The following CSMD2 variants were observed in gnomAD, a reference collection of about 807,000 sequenced individuals.
The protein encoded by CSMD2 is CUB and sushi domain-containing protein 2.
Under a neutral mutation model 398.5 loss-of-function variants are expected in CSMD2, and 130 were observed. The observed-to-expected ratio is 0.33, with a 90% CI of 0.28 to 0.38. The LOEUF is 0.38. Ranked by LOEUF, CSMD2 falls within the 10% of genes least tolerant of loss-of-function variation. The pLI is 1.00. For synonymous variants in CSMD2, 1,828 were observed against 1,908.5 expected (o/e 0.96, Z 1.10); for missense variants, 3,829 against 4,764.9 (o/e 0.80, Z 5.78).
rs1278373359 is a variant in CSMD2, at chr1:33,635,906, C to T, written c.4969+454G>A. Among the ~76,000 whole-genome samples, 2 of 152,112 alleles carry T rather than the reference C, an allele frequency of 1.3e-5. No individual in the cohort carries two copies. The highest frequency in any genetic ancestry group is 1.3e-4 in the Admixed American group (2 of 15,280). On this transcript the variant is annotated intron_variant, in intron 30 of 70. Transcript: ENST00000373381. This position sits in a 1 kb window ranked among gnomAD's most constrained non-coding sequence, Gnocchi z 5.0. ...TGGGTGGTCACCAAGCTCTTAAAGC[C>T]CTGATACTCATTCCTATCTCTCTTG...
At chr1:33,583,883 G>C (rs1248769523) in intron 46 of CSMD2, 53 bp from the exon 47 acceptor site, 35 of 1,493,394 alleles carry the variant, frequency 2.3e-5, no homozygotes, top group Non-Finnish European at 3.1e-5. Context: ...ATGGAACTAC[G>C]GCCAATACAT....
chr1:33,707,694 C>CGT (rs1645845247), intron 22 of CSMD2, among the ~76,000 whole-genome samples: 1 of 33,448 alleles, frequency 3.0e-5, no homozygotes, highest in Non-Finnish European at 5.0e-5. Flanking sequence ...CGCGCGCGCG[C>CGT]GCACACACAC....
At chr1:33,582,308 C>G (rs1638780344) in intron 47 of CSMD2, among the ~76,000 whole-genome samples, 1 of 152,084 alleles carries the variant, frequency 6.6e-6, no homozygotes, top group African/African-American at 2.4e-5. Context: ...GAAGATGGCT[C>G]ATAGAGCATG....
At chr1:34,112,951 C>A (rs1661233461) in intron 1 of CSMD2, 1 of 152,270 alleles carries the variant, frequency 6.6e-6, no homozygotes, top group African/African-American at 2.4e-5. Context: ...AAAAAGAGAT[C>A]TACGGCCATA....
rs941383881 is a variant in CSMD2 at position 33,727,176 on chromosome 1, G to C, written c.2369-491C>G. Among the ~76,000 whole-genome samples the C allele has an allele frequency of 1.6e-4, 24 of 152,318 alleles. 1 individual carries two copies. The highest frequency in any genetic ancestry group is 1.0e-3 in the Admixed American group (16 of 15,294). On this transcript the variant is annotated intron_variant, in intron 15 of 70. Transcript: ENST00000373381. Reference sequence around the variant, plus strand: ...TGTGTTAATTGTGTTACACAACTGGGTATCCCCAGTATTGAGCATGGTGCT... The same window carrying C: ...TGTGTTAATTGTGTTACACAACTGGCTATCCCCAGTATTGAGCATGGTGCT...
At chr1:33,949,670 G>C (rs1161092197) in intron 3 of CSMD2, among the ~76,000 whole-genome samples, 1 of 152,204 alleles carries the variant, frequency 6.6e-6, no homozygotes, top group Admixed American at 6.5e-5. Flanking sequence ...ATTTGGAGAA[G>C]TTTCCTGGAA....
intron 3 of CSMD2, among the ~76,000 whole-genome samples, chr1:33,972,533 A>G (rs190712957): frequency 6.6e-6 from 1 of 152,254 alleles, no homozygotes; most frequent in East Asian, 1.9e-4. Context: ...AAGTGTCCTT[A>G]TAAGAGGGGG....
Position 33,714,620 on chromosome 1 carries a change from G to T in CSMD2, c.3373C>A (p.Arg1125Ser). 1 of 1,613,920 alleles carries T rather than the reference G, an allele frequency of 6.2e-7. No individual in the cohort carries two copies. Among genetic ancestry groups the T allele is most frequent in the East Asian group, 2.2e-5 (1 of 44,876 alleles). ...CTTGGCAGAGGCGAGCTCCACAGGC[G>T]CCGTCTGCCCCCCAGGCACGTGATG... ...ARITCLGGRR[R>S]LWSSPLPRCV... Residue 1125 changes from arginine (R) to serine (S), a missense_variant, in exon 21 of 71, where the codon CGC becomes AGC. Arg to Ser is a moderately radical substitution (Grantham distance 110). Around this residue, in one of 5 missense-constraint regions of CSMD2, gnomAD observed 2,001 missense variants for 2,567.1 expected, o/e 0.78. Transcript: ENST00000373381.
In CSMD2 at chr1:33,636,774, C is replaced by T. The variant is rs1642830870; in HGVS notation, c.4775-220G>A. Among the ~76,000 whole-genome samples, 1 of 152,142 alleles carries T rather than the reference C, an allele frequency of 6.6e-6. No homozygotes were observed. ...ACATTGAAGAGGGCAATTTCCCCTCCTCCCCCCATGTTCTTGCCTTGACCC... is the reference window on the plus strand; with the variant it reads ...ACATTGAAGAGGGCAATTTCCCCTCTTCCCCCCATGTTCTTGCCTTGACCC... On this transcript the variant is annotated intron_variant, in intron 29 of 70. Coordinates refer to ENST00000373381, the MANE Select transcript of CSMD2 (RefSeq NM_001281956.2). The surrounding 1 kb of genome is among the most constrained non-coding windows in gnomAD (Gnocchi z 4.8).
Position 33,523,396 on chromosome 1 carries a change from G to A in CSMD2, c.10420C>T (p.His3474Tyr), listed in dbSNP as rs201889409. The A allele has an allele frequency of 4.1e-5, 63 of 1,545,466 alleles. No homozygotes were observed. The highest frequency in any genetic ancestry group is 5.3e-5 in the Non-Finnish European group (60 of 1,122,726). The change falls in exon 67 of 71, where the codon CAT (histidine) becomes TAT (tyrosine). Residue 3474 changes from histidine to tyrosine, a missense_variant. Around this residue, in one of 5 missense-constraint regions of CSMD2, gnomAD observed 917 missense variants for 1,199.5 expected, o/e 0.76. Coordinates refer to ENST00000373381, the MANE Select transcript of CSMD2 (RefSeq NM_001281956.2). ...LAGTYKKEDF[H>Y]LLLQVYQITG... ...ATCTGGTACACCTGGAGTAGGAGAT[G>A]AAAATCTTCTTTCTTGTAAGTTCCT... is the stretch of plus-strand genomic sequence containing the variant.
intron 1 of CSMD2, among the ~76,000 whole-genome samples, chr1:34,123,604 CG>C (rs1039418345): frequency 2.6e-5 from 4 of 151,730 alleles, no homozygotes; most frequent in South Asian, 4.2e-4. Flanking sequence ...GTGTCTGAAG[CG>C]GGGGGGAGTC....
intron 10 of CSMD2, among the ~76,000 whole-genome samples, chr1:33,796,024 T>C (rs748140281): frequency 9.2e-5 from 14 of 152,256 alleles, no homozygotes; most frequent in Non-Finnish European, 1.3e-4. Context: ...TTCAGCTCTA[T>C]TGATGTAGCA....
At chr1:33,878,414 A>T (rs1481028915) in intron 5 of CSMD2, 1 of 152,388 alleles carries the variant, frequency 6.6e-6, no homozygotes, top group South Asian at 2.1e-4. Flanking sequence ...AGAAGCCAAC[A>T]TGGGCCTCCC....
intron 11 of CSMD2, among the ~76,000 whole-genome samples, chr1:33,790,846 ATCTATCTATCTATC>A (rs1654215645): frequency 9.1e-6 from 1 of 110,100 alleles, no homozygotes; most frequent in Non-Finnish European, 1.9e-5. Context: ...TCTATCTATC[ATCTATCTATCTATC>A]TCTATCTCCT....
chr1:33,693,282 G>A (rs183988602), intron 24 of CSMD2, among the ~76,000 whole-genome samples: 146 of 152,262 alleles, frequency 9.6e-4, no homozygotes, highest in Non-Finnish European at 2.8e-4. Context: ...ATTTATAAAA[G>A]GCAAAGGATT....
At chr1:33,542,587 A>G (rs1656457870) in intron 58 of CSMD2, 133 bp downstream of exon 58, 1 of 733,670 alleles carries the variant, frequency 1.4e-6, no homozygotes, top group South Asian at 2.0e-5. Context: ...GAGGCTATTC[A>G]TATGATTATC....
At chr1:34,039,550 G>A (rs1651585443) in intron 2 of CSMD2, among the ~76,000 whole-genome samples, 1 of 152,212 alleles carries the variant, frequency 6.6e-6, no homozygotes, top group Non-Finnish European at 1.5e-5. Context: ...AGAAGACACT[G>A]CCGCTGAAAA....
intron 55 of CSMD2, 93 bp downstream of exon 55, chr1:33,557,641 C>CACACAT (rs1272528190): frequency 5.6e-6 from 6 of 1,072,076 alleles, no homozygotes; most frequent in African/African-American, 3.1e-5. Flanking sequence ...CACACACACA[C>CACACAT]ACACACACAC....
Position 33,910,881 on chromosome 1 carries a change from C to T in CSMD2, c.920+7213G>A, listed in dbSNP as rs74069788. Reference sequence around the variant, plus strand: ...TGGACTTTTCAGTTAAAGAGGCCAGCACATTCCCTTTGTAGCGTGAGTTAG... The same window carrying T: ...TGGACTTTTCAGTTAAAGAGGCCAGTACATTCCCTTTGTAGCGTGAGTTAG... On this transcript the variant is annotated intron_variant, in intron 5 of 70. Coordinates refer to ENST00000373381, the MANE Select transcript of CSMD2 (RefSeq NM_001281956.2). Among the ~76,000 whole-genome samples, 721 of 152,324 alleles carry T rather than the reference C, an allele frequency of 4.7e-3. 8 individuals are homozygous for T. The highest frequency in any genetic ancestry group is 0.016 in the African/African-American group (676 of 41,576).
Sources: allele counts gnomAD v4.1 joint callset (sites outside exome capture counted in the v4.1 genomes callset), GRCh38; gene constraint gnomAD v4.1.1; regional missense constraint gnomAD v4.1.1; non-coding constraint Gnocchi (gnomAD v3.1); transcripts MANE v1.5; gene names NCBI Gene and HGNC (gene_info 2026-07-23, HGNC 2026-07-21).